MCF2L: variants seen among roughly 807,000 people sequenced by gnomAD.
MCF2L encodes MCF.2 cell line derived transforming sequence like.
In MCF2L, 97 loss-of-function variants were observed where a neutral mutation model predicts 153.4. The ratio of observed to expected loss-of-function variants is 0.63; its 90% CI spans 0.54 to 0.75. The LOEUF is 0.75. MCF2L is among the 30% of genes least tolerant of loss of function. MCF2L has a pLI of 0.00. For synonymous variants in MCF2L, 659 were observed against 632.2 expected (o/e 1.04, Z -0.64); for missense variants, 1,347 against 1,495.2 (o/e 0.90, Z 1.64).
rs201603170 is a variant in MCF2L at position 113,075,065 on chromosome 13, C to T, written c.1184C>T (p.Ala395Val). ...CAGCTCATTGGGAACAAGCACTACG[C>T]GGTAGACTCCATCCGCCCAAAGTGC... is the stretch of plus-strand genomic sequence containing the variant. The part of the protein sequence containing the change: ...GEQLIGNKHY[A>V]VDSIRPKCQE... The change falls in exon 11 of 30, where the codon GCG becomes GTG. Residue 395 changes from alanine (A) to valine (V), a missense_variant. Coordinates refer to ENST00000535094, the MANE Select transcript of MCF2L (RefSeq NM_001112732.3). 103 of 1,613,726 alleles carry T rather than the reference C, an allele frequency of 6.4e-5. No homozygotes were observed. Among genetic ancestry groups the T allele is most frequent in the Admixed American group, 1.7e-4 (10 of 60,014 alleles).
At position 113,022,588 on chromosome 13, in the gene MCF2L, C is replaced by G. The variant is rs1439057074; in HGVS notation, c.164-2056C>G. 2.6e-5 allele frequency among the ~76,000 whole-genome samples: 4 copies of G among 152,276 alleles called. 1 individual carries two copies. The highest frequency in any genetic ancestry group is 4.4e-5 in the Non-Finnish European group (3 of 68,048). On this transcript the variant is annotated intron_variant, in intron 2 of 29. Transcript: ENST00000535094. The stretch of plus-strand genomic sequence containing the variant: ...CAGGGAAAGGAAAGGCAGGCGCAGG[C>G]TGCGGCCGTTTCCACAATCCACCTC...
chr13:113,071,473 T>C (rs2032913302), intron 9 of MCF2L, among the ~76,000 whole-genome samples: 1 of 152,252 alleles, frequency 6.6e-6, no homozygotes, highest in African/African-American at 2.4e-5. Flanking sequence ...ATTCCAAGTA[T>C]ATTCCCCTAA....
chr13:112,992,969 C>T (rs1386305924), intron 1 of MCF2L, among the ~76,000 whole-genome samples: 3 of 152,272 alleles, frequency 2.0e-5, no homozygotes, highest in Non-Finnish European at 4.4e-5. Flanking sequence ...AAAATACTTA[C>T]AGTGGCAGCC....
rs1246554437 is a variant in MCF2L, at chr13:112,943,857, C to A, written c.169+41486C>A. Among the ~76,000 whole-genome samples the A allele has an allele frequency of 6.6e-6, 1 of 151,826 alleles. No homozygotes were observed. Among genetic ancestry groups the A allele is most frequent in the Non-Finnish European group, 1.5e-5 (1 of 67,934 alleles). ...CGGGGTGAGGGGATCTCGGTGGCAG[C>A]GGGGACAGCGCGGCCCCGAGAACTG... On this transcript the variant is annotated intron_variant, in intron 2 of 29. Transcript: ENST00000375608. The surrounding 1 kb of genome is among the most constrained non-coding windows in gnomAD (Gnocchi z 4.2).
rs145304285 is a variant in MCF2L at position 112,922,598 on chromosome 13, C to T, written c.169+20227C>T. Among the ~76,000 whole-genome samples, 352 of 151,770 alleles carry T rather than the reference C, an allele frequency of 2.3e-3. 2 individuals are homozygous for T. The highest frequency in any genetic ancestry group is 8.1e-3 in the African/African-American group (335 of 41,452). ...CTGTAATCCTAGCACTTTGGGAGACCGAGGCGGGCAGATTGCCTGAGCTCA... is the reference window on the plus strand; with the variant it reads ...CTGTAATCCTAGCACTTTGGGAGACTGAGGCGGGCAGATTGCCTGAGCTCA... On this transcript the variant is annotated intron_variant, in intron 2 of 29. Coordinates refer to the MCF2L transcript ENST00000375608.
intron 2 of MCF2L, among the ~76,000 whole-genome samples, chr13:112,954,351 G>A (rs1436705120): frequency 2.0e-5 from 3 of 152,040 alleles, no homozygotes; most frequent in Middle Eastern, 3.4e-3. Context: ...GAAAGTGGCC[G>A]AGGCAACCAC....
At chr13:112,930,013 C>T (rs1448853143) in intron 2 of MCF2L, among the ~76,000 whole-genome samples, 3 of 152,170 alleles carry the variant, frequency 2.0e-5, no homozygotes, top group South Asian at 4.1e-4. Context: ...TACATATGCC[C>T]CTACACACCT....
chr13:112,982,660 C>T (rs892009354), intron 1 of MCF2L, among the ~76,000 whole-genome samples: 8 of 152,068 alleles, frequency 5.3e-5, no homozygotes, highest in Non-Finnish European at 7.4e-5. Flanking sequence ...AGGGGGGAGA[C>T]GTGGTGAGGG....
intron 1 of MCF2L, among the ~76,000 whole-genome samples, chr13:113,003,069 G>C (rs944176602): frequency 6.6e-6 from 1 of 152,164 alleles, no homozygotes; most frequent in Non-Finnish European, 1.5e-5. Context: ...CCAGCCACCT[G>C]GGGGGCTGAG....
rs994373888 is a variant in MCF2L at position 113,097,971 on chromosome 13, ACT to A, written c.*1115_*1116del. On this transcript the variant is annotated 3_prime_UTR_variant, in exon 30 of 30. Coordinates refer to ENST00000535094, the MANE Select transcript of MCF2L (RefSeq NM_001112732.3). ...CAAGTCACAGCAGAACTGGAAAAAA[ACT>A]CTTCTGTTTTACCAACTTCTTGTGT... is the stretch of plus-strand genomic sequence containing the variant. 2.6e-5 allele frequency: 4 copies of A among 151,988 alleles called. No individual in the cohort carries two copies. The highest frequency in any genetic ancestry group is 1.3e-4 in the Admixed American group (2 of 15,256). 9.4% of individuals were successfully genotyped at this position (151,988 alleles called of 1,614,324 possible). A position where few individuals can be genotyped will look rare whatever the true frequency, so the allele number is the denominator to read the frequency against.
chr13:112,962,231 A>G (rs1428491360), intron 2 of MCF2L, among the ~76,000 whole-genome samples: 4 of 151,672 alleles, frequency 2.6e-5, no homozygotes, highest in Non-Finnish European at 1.5e-5. Context: ...ACACTTACAC[A>G]TGCACACACA....
chr13:113,073,776 G>A (rs111990931), intron 9 of MCF2L, among the ~76,000 whole-genome samples: 9,923 of 152,068 alleles, frequency 0.065, 483 homozygotes, highest in East Asian at 0.23. Context: ...TTAGCTGGGC[G>A]TGATGGCTGG....
At chr13:112,917,280 C>T (rs1008964207) in intron 2 of MCF2L, 3 of 432,230 alleles carry the variant, frequency 6.9e-6, no homozygotes, top group Non-Finnish European at 9.5e-6. Context: ...CACTGCAGCT[C>T]CATCCACCAT....
chr13:113,047,792 C>G (rs1397031342), intron 4 of MCF2L, among the ~76,000 whole-genome samples: 1 of 152,210 alleles, frequency 6.6e-6, no homozygotes, highest in Non-Finnish European at 1.5e-5. Flanking sequence ...TCACGCCTCG[C>G]TACGTGTGCC....
In MCF2L at chr13:113,028,404, A is replaced by G. The variant is rs2085440449; in HGVS notation, c.278+3646A>G. ...TCCATGGCCTCCTTGCTGCTGCCCC[A>G]CTTGTCTGTCTGCTTCTCCTGAGAT... On this transcript the variant is annotated intron_variant, in intron 3 of 29. Coordinates refer to ENST00000535094, the MANE Select transcript of MCF2L (RefSeq NM_001112732.3). This position sits in a 1 kb window ranked among gnomAD's most constrained non-coding sequence, Gnocchi z 5.4. 6.6e-6 allele frequency among the ~76,000 whole-genome samples: 1 copy of G among 151,954 alleles called. No homozygotes were observed. Among genetic ancestry groups the G allele is most frequent in the South Asian group, 2.1e-4 (1 of 4,814 alleles).
At position 113,064,154 on chromosome 13, in the gene MCF2L, A is replaced by G. The variant is rs949561638; in HGVS notation, c.490-150A>G. 1.7e-5 allele frequency: 12 copies of G among 702,632 alleles called. No individual in the cohort carries two copies. The African/African-American group carries it at 1.7e-4, about 10-fold the overall frequency. 43.5% of individuals were successfully genotyped at this position (702,632 alleles called of 1,614,324 possible). On this transcript the variant is annotated intron_variant, in intron 5 of 29. Transcript: ENST00000535094. This position sits in a 1 kb window ranked among gnomAD's most constrained non-coding sequence, Gnocchi z 6.0. ...GCATCCCATCCGCACATCCATCCGC[A>G]GTGTCCAGGTGCCCCCACCCACACA...
chr13:112,961,099 TTGCATCTGCTATGCCTCCAC>T (rs1243735522), intron 2 of MCF2L, among the ~76,000 whole-genome samples: 55 of 21,896 alleles, frequency 2.5e-3, no homozygotes, highest in African/African-American at 9.6e-3. Context: ...TGCCTCCACG[TTGCATCTGCTATGCCTCCAC>T]GTTGCACCTG....
chr13:113,018,049 C>G (rs959974636), intron 2 of MCF2L, among the ~76,000 whole-genome samples: 2 of 152,230 alleles, frequency 1.3e-5, no homozygotes, highest in Admixed American at 6.5e-5. Flanking sequence ...TGTGCGGTCC[C>G]GTCTTCTCCC....
In MCF2L at chr13:113,060,541, C is replaced by T. The variant is rs1027720321; in HGVS notation, c.370-52C>T. ...GCGTGCAGGCACCGCACTAGGGGGG[C>T]TGCTGTCTGCAGAGCACGCTGCAGG... On this transcript the variant is annotated intron_variant, in intron 4 of 29. Coordinates refer to ENST00000535094, the MANE Select transcript of MCF2L (RefSeq NM_001112732.3). 8.1e-6 allele frequency: 13 copies of T among 1,599,374 alleles called. No homozygotes were observed. In the African/African-American group the frequency reaches 1.5e-4, roughly 18 times the overall value.
Sources: gnomAD v4.1 joint callset for allele counts (sites outside exome capture counted in the v4.1 genomes callset) on GRCh38, gnomAD v4.1.1 for gene constraint, Gnocchi (gnomAD v3.1) non-coding constraint, MANE v1.5 for transcripts, NCBI Gene and HGNC (gene_info 2026-07-23, HGNC 2026-07-21) for gene names.